The following GPR39 variants were observed in gnomAD, a reference collection of about 807,000 sequenced individuals.
GPR39 encodes the protein G protein-coupled receptor 39.
Under a neutral mutation model 18.4 loss-of-function variants are expected in GPR39, and 23 were observed. That is an observed-to-expected ratio of 1.25 (90% confidence interval 0.90 to 1.77). The LOEUF is 1.77. GPR39 is among the 40% of genes most tolerant of loss of function. The probability of loss-of-function intolerance (pLI) is 0.00; values close to 1 mark genes in which losing one functional copy is unlikely to be tolerated. For missense variants in GPR39, 647 were observed against 602.4 expected (o/e 1.07, Z -0.78); for synonymous variants, 280 against 257.9 (o/e 1.09, Z -0.82).
intron 1 of GPR39, among the ~76,000 whole-genome samples, chr2:132,476,469 C>G (rs925145375): frequency 2.0e-5 from 3 of 151,748 alleles, no homozygotes; most frequent in African/African-American, 7.3e-5. Context: ...AACCCTGTCT[C>G]CACTAAAAAT....
intron 1 of GPR39, among the ~76,000 whole-genome samples, chr2:132,613,782 T>C (rs1215095504): frequency 6.6e-6 from 1 of 152,224 alleles, no homozygotes; most frequent in Non-Finnish European, 1.5e-5. Context: ...TCTATTGAAG[T>C]TTAGCACAAA....
chr2:132,533,276 T>A (rs1295873382), intron 1 of GPR39, among the ~76,000 whole-genome samples: 1 of 151,956 alleles, frequency 6.6e-6, no homozygotes, highest in East Asian at 1.9e-4. Context: ...TTCCTAGGAA[T>A]CCAACTTACA....
chr2:132,420,085 C>G (rs4622783), intron 1 of GPR39, among the ~76,000 whole-genome samples: 33,042 of 152,006 alleles, frequency 0.22, 3,737 homozygotes, highest in African/African-American at 0.27. Flanking sequence ...TTTGTTCTTG[C>G]TGCTGCTCTC....
chr2:132,512,780 A>G lies in GPR39; in HGVS notation c.856+94882A>G, dbSNP rs560418095. On this transcript the variant is annotated intron_variant, in intron 1 of 1. Transcript: ENST00000329321. ...CATTTAGAAGCTTGCTGTCACTCCC[A>G]ATACATAGATACTTTTACAGTACAC... Among the ~76,000 whole-genome samples the G allele has an allele frequency of 3.3e-5, 5 of 152,356 alleles. No homozygotes were observed. In the South Asian group the frequency reaches 8.3e-4, roughly 25 times the overall value.
At chr2:132,623,185 GA>G (rs995667472) in intron 1 of GPR39, among the ~76,000 whole-genome samples, 2 of 151,192 alleles carry the variant, frequency 1.3e-5, no homozygotes, top group South Asian at 2.1e-4. Context: ...CCTTCAAAAG[GA>G]AAAAAAAAGT....
At chr2:132,458,458 T>TGTGTGTGTG (rs1680774114) in intron 1 of GPR39, among the ~76,000 whole-genome samples, 3 of 132,126 alleles carry the variant, frequency 2.3e-5, no homozygotes, top group African/African-American at 8.6e-5. Flanking sequence ...CTCGGTGTGT[T>TGTGTGTGTG]TGTGTGTGTG....
intron 1 of GPR39, among the ~76,000 whole-genome samples, chr2:132,461,436 A>G (rs1370512893): frequency 6.6e-6 from 1 of 152,190 alleles, no homozygotes; most frequent in Non-Finnish European, 1.5e-5. Context: ...ATATTATTGA[A>G]TGTATTTTCA....
intron 1 of GPR39, among the ~76,000 whole-genome samples, chr2:132,568,529 A>G (rs538606102): frequency 6.6e-6 from 1 of 152,144 alleles, no homozygotes; most frequent in African/African-American, 2.4e-5. Flanking sequence ...AACAGGGCGA[A>G]ACCCTGTCTC....
At chr2:132,497,379 A>G (rs998185282) in intron 1 of GPR39, among the ~76,000 whole-genome samples, 1 of 147,394 alleles carries the variant, frequency 6.8e-6, no homozygotes, top group Non-Finnish European at 1.5e-5. Flanking sequence ...TGAGAGAGGA[A>G]GAGTGGGTTC....
chr2:132,520,651 G>A (rs1260777909), intron 1 of GPR39, among the ~76,000 whole-genome samples: 1 of 152,232 alleles, frequency 6.6e-6, no homozygotes, highest in African/African-American at 2.4e-5. Context: ...TATTGCTTTG[G>A]TTCAGTTAGA....
intron 1 of GPR39, among the ~76,000 whole-genome samples, chr2:132,421,990 T>G (rs1015322880): frequency 1.3e-5 from 2 of 152,096 alleles, no homozygotes; most frequent in Admixed American, 6.6e-5. Flanking sequence ...AAAGTGAAAA[T>G]TATGAAAAGA....
At chr2:132,503,954 C>G (rs1020958975) in intron 1 of GPR39, among the ~76,000 whole-genome samples, 5 of 152,184 alleles carry the variant, frequency 3.3e-5, no homozygotes, top group African/African-American at 9.6e-5. Context: ...TCCATGCTCC[C>G]CCAACAGCAC....
intron 1 of GPR39, among the ~76,000 whole-genome samples, chr2:132,580,410 G>A (rs768202974): frequency 9.2e-5 from 14 of 152,184 alleles, no homozygotes; most frequent in African/African-American, 1.9e-4. Flanking sequence ...GGAAAGTGCC[G>A]GTGGCTGAGA....
intron 1 of GPR39, among the ~76,000 whole-genome samples, chr2:132,465,188 C>CAAAAAAA (rs929177880): frequency 6.9e-6 from 1 of 145,446 alleles, no homozygotes; most frequent in East Asian, 2.0e-4. Flanking sequence ...AAAACAAAAG[C>CAAAAAAA]AAAAAAAAAA....
intron 1 of GPR39, among the ~76,000 whole-genome samples, chr2:132,469,399 T>C (rs946501508): frequency 2.0e-5 from 3 of 152,212 alleles, no homozygotes; most frequent in Non-Finnish European, 4.4e-5. Flanking sequence ...ATTGTTATCC[T>C]TGGGAGTGTG....
intron 1 of GPR39, among the ~76,000 whole-genome samples, chr2:132,518,481 G>A (rs1416340076): frequency 6.6e-6 from 1 of 152,188 alleles, no homozygotes. Flanking sequence ...GTCTGGTGGT[G>A]AGGGACCTTG....
chr2:132,579,375 T>C (rs1414775712), intron 1 of GPR39, among the ~76,000 whole-genome samples: 1 of 152,158 alleles, frequency 6.6e-6, no homozygotes, highest in Non-Finnish European at 1.5e-5. Context: ...GGGCCTGTAA[T>C]AGGGACTGTT....
At chr2:132,592,064 G>A (rs1305634831) in intron 1 of GPR39, among the ~76,000 whole-genome samples, 1 of 152,198 alleles carries the variant, frequency 6.6e-6, no homozygotes, top group Non-Finnish European at 1.5e-5. Context: ...TAGTTATTGA[G>A]AATTCATTAA....
rs183844687 is a variant in GPR39, at chr2:132,546,945, C to T, written c.857-98156C>T. On this transcript the variant is annotated intron_variant, in intron 1 of 1. Coordinates refer to ENST00000329321, the MANE Select transcript of GPR39 (RefSeq NM_001508.3). ...TGACATTTTGGCTCTGCCCCTAGATCCTCTGAGAAGAGAAACCACTCGTGC... is the reference window on the plus strand; with the variant it reads ...TGACATTTTGGCTCTGCCCCTAGATTCTCTGAGAAGAGAAACCACTCGTGC... Among the ~76,000 whole-genome samples, 15 of 151,162 alleles carry T rather than the reference C, an allele frequency of 9.9e-5. No individual in the cohort carries two copies. The East Asian group carries it at 2.7e-3, about 27-fold the overall frequency.
Sources: allele counts gnomAD v4.1 joint callset (sites outside exome capture counted in the v4.1 genomes callset), GRCh38; gene constraint gnomAD v4.1.1; transcripts MANE v1.5; gene names NCBI Gene and HGNC (gene_info 2026-07-23, HGNC 2026-07-21).